The following CTNNA1 variants were observed in gnomAD, a reference collection of about 807,000 sequenced individuals.
CTNNA1 encodes catenin alpha 1.
In CTNNA1, 37 loss-of-function variants were observed where a neutral mutation model predicts 98.4. The ratio of observed to expected loss-of-function variants is 0.38; its 90% CI spans 0.29 to 0.49. The LOEUF (loss-of-function observed/expected upper bound fraction) is 0.49. Among genes scored for constraint, CTNNA1 ranks in the 20% least tolerant of loss-of-function variants. CTNNA1 has a pLI of 0.95. For synonymous variants in CTNNA1, 404 were observed against 413.2 expected (o/e 0.98, Z 0.27); for missense variants, 761 against 1,147.2 (o/e 0.66, Z 4.86).
rs189285042 is a variant in CTNNA1 at position 138,832,949 on chromosome 5, T to G, written c.1062+5231T>G. Among the ~76,000 whole-genome samples, 16 of 152,342 alleles carry G rather than the reference T, an allele frequency of 1.1e-4. No individual in the cohort carries two copies. In the South Asian group the frequency reaches 1.7e-3, roughly 16 times the overall value. The stretch of plus-strand genomic sequence containing the variant: ...GCTTTATACAGCTGACTTCTTTATT[T>G]CATGCCTTTCATTCTGCTGAGGGAT... On this transcript the variant is annotated intron_variant, in intron 7 of 17. Coordinates refer to ENST00000302763, the MANE Select transcript of CTNNA1 (RefSeq NM_001903.5).
intron 5 of CTNNA1, among the ~76,000 whole-genome samples, chr5:138,813,298 T>C (rs1322220927): frequency 6.6e-6 from 1 of 152,244 alleles, no homozygotes; most frequent in Non-Finnish European, 1.5e-5. Flanking sequence ...CAAAAAGGAC[T>C]GTTCCTTCCA....
At chr5:138,915,171 T>A (rs1257196530) in intron 10 of CTNNA1, among the ~76,000 whole-genome samples, 2 of 151,812 alleles carry the variant, frequency 1.3e-5, no homozygotes, top group Non-Finnish European at 2.9e-5. Context: ...ATAAAATAAA[T>A]ACATTTACTT....
chr5:138,893,178 T>G (rs753416136), intron 9 of CTNNA1, among the ~76,000 whole-genome samples: 1 of 152,140 alleles, frequency 6.6e-6, no homozygotes, highest in Non-Finnish European at 1.5e-5. Flanking sequence ...GAACACCTGT[T>G]CCGGGGTCTG....
At chr5:138,851,150 T>C (rs1261530377) in intron 7 of CTNNA1, among the ~76,000 whole-genome samples, 4 of 152,204 alleles carry the variant, frequency 2.6e-5, no homozygotes, top group African/African-American at 9.6e-5. Flanking sequence ...CACAAAATGG[T>C]TTCTGTGTAG....
At chr5:138,843,953 C>CT (rs1295223947) in intron 7 of CTNNA1, among the ~76,000 whole-genome samples, 9 of 152,240 alleles carry the variant, frequency 5.9e-5, no homozygotes, top group South Asian at 2.1e-4. Context: ...AAAGTAAGCA[C>CT]TTTTTTTAGA....
intron 13 of CTNNA1, among the ~76,000 whole-genome samples, chr5:138,927,438 A>G (rs992482075): frequency 3.9e-5 from 6 of 152,106 alleles, no homozygotes; most frequent in Non-Finnish European, 5.9e-5. Flanking sequence ...CCCTGGGCCA[A>G]TGCCCCTTCC....
At chr5:138,915,418 G>T (rs1253795549) in intron 10 of CTNNA1, among the ~76,000 whole-genome samples, 1 of 152,158 alleles carries the variant, frequency 6.6e-6, no homozygotes. Context: ...AACCAAAAAG[G>T]GGGAAAATAA....
chr5:138,912,116 G>T (rs1460951907), intron 10 of CTNNA1, among the ~76,000 whole-genome samples: 1 of 152,196 alleles, frequency 6.6e-6, no homozygotes, highest in Non-Finnish European at 1.5e-5. Context: ...GTGAGTCTAC[G>T]TGAAGGAAAG....
chr5:138,785,675 C>T lies in CTNNA1; in HGVS notation c.301+2303C>T, dbSNP rs190981323. 2.0e-5 allele frequency among the ~76,000 whole-genome samples: 3 copies of T among 152,308 alleles called. No individual in the cohort carries two copies. In the East Asian group the frequency reaches 5.8e-4, roughly 29 times the overall value. Reference sequence around the variant, plus strand: ...TCCTGGGTTCAAGCGATTCTTCTGCCTCAGCTTCCCAAGTAGCTGGGATTA... The same window carrying T: ...TCCTGGGTTCAAGCGATTCTTCTGCTTCAGCTTCCCAAGTAGCTGGGATTA... On this transcript the variant is annotated intron_variant, in intron 3 of 17. Transcript: ENST00000302763.
chr5:138,915,019 C>T (rs779800675), intron 10 of CTNNA1, among the ~76,000 whole-genome samples: 2 of 152,042 alleles, frequency 1.3e-5, no homozygotes, highest in South Asian at 2.1e-4. Flanking sequence ...TGGTGGCGGG[C>T]GCCTGTAGTC....
At chr5:138,780,214 G>A (rs1406770221) in intron 1 of CTNNA1, among the ~76,000 whole-genome samples, 4 of 150,814 alleles carry the variant, frequency 2.7e-5, no homozygotes, top group Admixed American at 6.6e-5. Context: ...TTTTTGAGAC[G>A]GAGTCTTGCT....
At chr5:138,926,447 C>T (rs1001466542) in intron 13 of CTNNA1, among the ~76,000 whole-genome samples, 8 of 152,266 alleles carry the variant, frequency 5.3e-5, no homozygotes, top group Non-Finnish European at 1.0e-4. Context: ...TGCGCCCTTG[C>T]TGCCCTGCAA....
At position 138,804,284 on chromosome 5, in the gene CTNNA1, G is replaced by GT. The variant is rs1335567583; in HGVS notation, c.302-5754_302-5753insT. On this transcript the variant is annotated intron_variant, in intron 3 of 17. Transcript: ENST00000302763. The stretch of plus-strand genomic sequence containing the variant: ...CTTTCATGTTACTGCATTCAATACT[G>GT]GTTTTTTTTCCTTTGTGTTTTTTGA... Among the ~76,000 whole-genome samples the GT allele has an allele frequency of 4.9e-3, 743 of 151,458 alleles. 2 individuals carry two copies. The highest frequency in any genetic ancestry group is 0.017 in the African/African-American group (708 of 41,268).
chr5:138,925,547 T>C (rs992256989), intron 13 of CTNNA1, 140 bp downstream of exon 13: 11 of 1,259,250 alleles, frequency 8.7e-6, no homozygotes, highest in Non-Finnish European at 1.2e-5. Context: ...GAATGAGATA[T>C]ATTTAATTAC....
At chr5:138,912,308 G>C (rs892955877) in intron 10 of CTNNA1, among the ~76,000 whole-genome samples, 1 of 152,202 alleles carries the variant, frequency 6.6e-6, no homozygotes, top group Non-Finnish European at 1.5e-5. Context: ...AGATTGCCCA[G>C]GGGTGGGAAG....
chr5:138,919,334 A>G (rs571184698), intron 11 of CTNNA1, among the ~76,000 whole-genome samples: 1 of 152,312 alleles, frequency 6.6e-6, no homozygotes, highest in African/African-American at 2.4e-5. Context: ...TAAATACTAC[A>G]TTCTTAAAGT....
At chr5:138,916,484 T>TC (rs985221233) in intron 10 of CTNNA1, among the ~76,000 whole-genome samples, 27 of 150,546 alleles carry the variant, frequency 1.8e-4, no homozygotes, top group Middle Eastern at 6.8e-3. Context: ...TGCCTCAGCC[T>TC]CCCAAAGTGC....
chr5:138,797,629 A>T (rs1194527198), intron 3 of CTNNA1, among the ~76,000 whole-genome samples: 1 of 152,148 alleles, frequency 6.6e-6, no homozygotes, highest in East Asian at 1.9e-4. Context: ...GGGGAAGGAG[A>T]TATAACTTTG....
chr5:138,844,634 TC>T (rs1436381904), intron 7 of CTNNA1, among the ~76,000 whole-genome samples: 1 of 152,194 alleles, frequency 6.6e-6, no homozygotes, highest in Non-Finnish European at 1.5e-5. Flanking sequence ...TCTGTCTCTT[TC>T]CTTTTCTTTG....
Sources: gnomAD v4.1 joint callset for allele counts (sites outside exome capture counted in the v4.1 genomes callset) on GRCh38, gnomAD v4.1.1 for gene constraint, MANE v1.5 for transcripts, NCBI Gene and HGNC (gene_info 2026-07-23, HGNC 2026-07-21) for gene names.